Variants in BCL2 observed in about 807,000 individuals in gnomAD.
BCL2 encodes the protein BCL2 apoptosis regulator, also known as apoptosis regulator Bcl-2.
A neutral mutation model predicts 14.2 loss-of-function variants in BCL2; 1 was observed. That is an observed-to-expected ratio of 0.07 (90% confidence interval 0.02 to 0.33). The LOEUF is 0.33. BCL2 is among the 10% of genes least tolerant of loss of function. BCL2 has a pLI of 0.99. For missense variants in BCL2, 247 were observed against 305.9 expected, an observed-to-expected ratio of 0.81 and a Z score of 1.44; for synonymous variants, 151 against 137.2, an observed-to-expected ratio of 1.10 and a Z score of -0.70.
chr18:63,272,621 A>G (rs1163335479), intron 2 of BCL2, among the ~76,000 whole-genome samples: 2 of 152,240 alleles, frequency 1.3e-5, no homozygotes, highest in Admixed American at 6.5e-5. Context: ...ATCAACAACA[A>G]CATTTAAGGC....
At chr18:63,177,496 T>C (rs1599226772) in intron 2 of BCL2, among the ~76,000 whole-genome samples, 2 of 152,178 alleles carry the variant, frequency 1.3e-5, no homozygotes. Flanking sequence ...ATACCGGCTG[T>C]GAGCTTTCCA....
intron 2 of BCL2, among the ~76,000 whole-genome samples, chr18:63,287,509 T>C (rs570883578): frequency 6.6e-6 from 1 of 152,258 alleles, no homozygotes; most frequent in Non-Finnish European, 1.5e-5. Context: ...GGCGGGCAGT[T>C]TGAGTACAAA....
intron 2 of BCL2, among the ~76,000 whole-genome samples, chr18:63,272,161 T>A (rs947679637): frequency 5.3e-5 from 8 of 152,212 alleles, no homozygotes; most frequent in African/African-American, 1.7e-4. Flanking sequence ...CAGATGCTAT[T>A]TCTCTCTGTC....
chr18:63,142,689 C>T (rs1320328001), intron 2 of BCL2, among the ~76,000 whole-genome samples: 3 of 152,220 alleles, frequency 2.0e-5, no homozygotes, highest in Non-Finnish European at 4.4e-5. Context: ...ATCTACCGAT[C>T]AGGAAGAGAA....
In BCL2 at chr18:63,168,548, T is replaced by C. The variant is rs57488223; in HGVS notation, c.586-39789A>G. On this transcript the variant is annotated intron_variant, in intron 2 of 2. Coordinates refer to ENST00000333681, the MANE Select transcript of BCL2 (RefSeq NM_000633.3). The stretch of plus-strand genomic sequence containing the variant: ...TCTAACACGGACTGATGACTCTGCA[T>C]GGAGAGTCACAGGAGGCTTATCGTC... Among the ~76,000 whole-genome samples the C allele has an allele frequency of 1.8e-4, 27 of 152,268 alleles. No homozygotes were observed. The East Asian group carries it at 5.0e-3, about 28-fold the overall frequency.
intron 2 of BCL2, among the ~76,000 whole-genome samples, chr18:63,281,417 C>T (rs542734038): frequency 2.5e-4 from 38 of 152,194 alleles, no homozygotes; most frequent in Non-Finnish European, 4.3e-4. Context: ...GTAATCCCAG[C>T]ACTTTGGGAG....
chr18:63,168,103 A>T (rs944209173), intron 2 of BCL2, among the ~76,000 whole-genome samples: 4 of 152,212 alleles, frequency 2.6e-5, no homozygotes, highest in African/African-American at 4.8e-5. Context: ...TCTGGCTGGA[A>T]TGGGCAGGTG....
chr18:63,305,275 T>C (rs1006261534), intron 2 of BCL2, among the ~76,000 whole-genome samples: 9 of 152,242 alleles, frequency 5.9e-5, no homozygotes, highest in African/African-American at 2.2e-4. Flanking sequence ...ATGCAATATA[T>C]TTCAGTCTCT....
intron 2 of BCL2, among the ~76,000 whole-genome samples, chr18:63,194,164 T>C (rs146574765): frequency 2.0e-5 from 3 of 152,208 alleles, no homozygotes; most frequent in African/African-American, 7.2e-5. Flanking sequence ...ATTTGTTTGA[T>C]GCTGAAGCAG....
At chr18:63,201,555 T>C (rs1342030131) in intron 2 of BCL2, among the ~76,000 whole-genome samples, 1 of 152,192 alleles carries the variant, frequency 6.6e-6, no homozygotes, top group African/African-American at 2.4e-5. Context: ...CTATTCACAA[T>C]AGCGACGACT....
chr18:63,223,807 C>T (rs1910471159), intron 2 of BCL2, among the ~76,000 whole-genome samples: 1 of 152,176 alleles, frequency 6.6e-6, no homozygotes, highest in African/African-American at 2.4e-5. Flanking sequence ...TCAGAGTTGA[C>T]AAGTCCCTCA....
intron 2 of BCL2, among the ~76,000 whole-genome samples, chr18:63,140,234 G>T (rs1914319376): frequency 6.6e-6 from 1 of 152,218 alleles, no homozygotes; most frequent in South Asian, 2.1e-4. Context: ...TGGGAAAACA[G>T]TTTGCTGATT....
intron 2 of BCL2, among the ~76,000 whole-genome samples, chr18:63,301,711 T>C (rs951379942): frequency 6.6e-6 from 1 of 152,200 alleles, no homozygotes; most frequent in Non-Finnish European, 1.5e-5. Flanking sequence ...TTGGAGAACA[T>C]TATGAATAAT....
At chr18:63,294,595 G>A (rs376303812) in intron 2 of BCL2, among the ~76,000 whole-genome samples, 161 of 152,044 alleles carry the variant, frequency 1.1e-3, no homozygotes, top group South Asian at 7.7e-3. Flanking sequence ...ACTTGAACCC[G>A]GGAGGCTGAG....
At chr18:63,308,710 A>T (rs539765145) in intron 2 of BCL2, among the ~76,000 whole-genome samples, 1 of 152,266 alleles carries the variant, frequency 6.6e-6, no homozygotes, top group South Asian at 2.1e-4. Context: ...TTCTTCTTTC[A>T]TTTCTATTAA....
intron 2 of BCL2, among the ~76,000 whole-genome samples, chr18:63,216,624 A>C (rs143242032): frequency 2.9e-4 from 44 of 152,280 alleles, no homozygotes; most frequent in African/African-American, 1.0e-3. Flanking sequence ...AACCCATATC[A>C]AGGAAAGGTA....
chr18:63,206,268 C>T (rs1909833856), intron 2 of BCL2, among the ~76,000 whole-genome samples: 1 of 152,220 alleles, frequency 6.6e-6, no homozygotes, highest in African/African-American at 2.4e-5. Context: ...AGACGATAAG[C>T]ACCGTGGCCA....
chr18:63,206,962 G>A (rs560867301), intron 2 of BCL2, among the ~76,000 whole-genome samples: 1 of 152,324 alleles, frequency 6.6e-6, no homozygotes, highest in East Asian at 1.9e-4. Flanking sequence ...GGGGGTCTGG[G>A]GAGAAGGGAA....
chr18:63,253,325 C>T (rs185076895), intron 2 of BCL2, among the ~76,000 whole-genome samples: 186 of 152,318 alleles, frequency 1.2e-3, no homozygotes, highest in African/African-American at 4.4e-3. Flanking sequence ...CTACACTGAT[C>T]GCCTACGAAG....
Sources: allele counts gnomAD v4.1 joint callset (sites outside exome capture counted in the v4.1 genomes callset), GRCh38; gene constraint gnomAD v4.1.1; transcripts MANE v1.5; gene names NCBI Gene and HGNC (gene_info 2026-07-23, HGNC 2026-07-21).